GRIK4: variants seen among roughly 807,000 people sequenced by gnomAD.
GRIK4 encodes the protein glutamate receptor ionotropic, kainate 4.
Under a neutral mutation model 104.9 loss-of-function variants are expected in GRIK4, and 40 were observed. That is an observed-to-expected ratio of 0.38 (90% CI 0.30 to 0.50). GRIK4 has a LOEUF of 0.50. GRIK4 is among the 20% of genes least tolerant of loss of function. GRIK4 has a pLI of 0.93. For synonymous variants in GRIK4, 485 were observed against 524.9 expected, an observed-to-expected ratio of 0.92 and a Z score of 1.04; for missense variants, 1,047 against 1,308.1, an observed-to-expected ratio of 0.80 and a Z score of 3.08.
At position 120,939,728 on chromosome 11, in the gene GRIK4, T is replaced by C. The variant is rs1273715130; in HGVS notation, c.1477-619T>C. ...CAGGCGCGGTGGCTCATGCCTATAA[T>C]CCCATCACTTTGGGAGGCCAGGGCG... On this transcript the variant is annotated intron_variant, in intron 13 of 20. Transcript: ENST00000527524. The surrounding 1 kb of genome is among the most constrained non-coding windows in gnomAD (Gnocchi z 5.6). 6.6e-6 allele frequency among the ~76,000 whole-genome samples: 1 copy of C among 152,182 alleles called. No homozygotes were observed. The highest frequency in any genetic ancestry group is 1.5e-5 in the Non-Finnish European group (1 of 68,018).
chr11:120,567,408 C>G (rs1268337052), intron 1 of GRIK4, among the ~76,000 whole-genome samples: 1 of 152,302 alleles, frequency 6.6e-6, no homozygotes, highest in African/African-American at 2.4e-5. Flanking sequence ...ATCCTCCCAC[C>G]TCGGCCTCCC....
intron 1 of GRIK4, among the ~76,000 whole-genome samples, chr11:120,571,807 G>A (rs538738490): frequency 1.3e-5 from 2 of 152,194 alleles, no homozygotes; most frequent in Admixed American, 1.3e-4. Context: ...AGGTCTGTGA[G>A]GTGACCTGGG....
chr11:120,920,483 T>C (rs1943203689), intron 13 of GRIK4, among the ~76,000 whole-genome samples: 1 of 152,106 alleles, frequency 6.6e-6, no homozygotes, highest in Non-Finnish European at 1.5e-5. Context: ...GGTTCATTCC[T>C]CTTGCCATGC....
intron 3 of GRIK4, among the ~76,000 whole-genome samples, chr11:120,685,621 T>G (rs1281589770): frequency 2.0e-5 from 3 of 152,204 alleles, no homozygotes; most frequent in Non-Finnish European, 4.4e-5. Context: ...CACCTGGACC[T>G]AGGCATTCTT....
intron 13 of GRIK4, among the ~76,000 whole-genome samples, chr11:120,930,603 T>C (rs1943463637): frequency 6.6e-6 from 1 of 152,226 alleles, no homozygotes; most frequent in African/African-American, 2.4e-5. Flanking sequence ...GTGGGTGGCA[T>C]GAGCATTGCC....
intron 13 of GRIK4, among the ~76,000 whole-genome samples, chr11:120,916,501 C>T (rs1206742874): frequency 6.6e-6 from 1 of 152,170 alleles, no homozygotes; most frequent in Non-Finnish European, 1.5e-5. Context: ...TCCTTATGCA[C>T]CTAACACAGT....
intron 2 of GRIK4, among the ~76,000 whole-genome samples, chr11:120,656,948 T>C (rs1011524703): frequency 3.3e-5 from 5 of 152,200 alleles, no homozygotes; most frequent in African/African-American, 9.7e-5. Flanking sequence ...TGTAGTTCTG[T>C]CATCAAATAA....
At chr11:120,976,697 T>C (rs1257511028) in intron 19 of GRIK4, among the ~76,000 whole-genome samples, 2 of 152,232 alleles carry the variant, frequency 1.3e-5, no homozygotes, top group Non-Finnish European at 2.9e-5. Context: ...TGTTGACCAA[T>C]GTCAAAGAGC....
chr11:120,565,980 T>G (rs888050833), intron 1 of GRIK4, among the ~76,000 whole-genome samples: 5 of 152,220 alleles, frequency 3.3e-5, no homozygotes, highest in African/African-American at 1.2e-4. Flanking sequence ...CTATGTTTCC[T>G]ACCCCTTGAG....
At chr11:120,823,388 C>G (rs1418255869) in intron 6 of GRIK4, among the ~76,000 whole-genome samples, 1 of 152,200 alleles carries the variant, frequency 6.6e-6, no homozygotes, top group Non-Finnish European at 1.5e-5. Context: ...TATGACATTC[C>G]TTGACATTCA....
At chr11:120,720,920 G>C (rs145087542) in intron 3 of GRIK4, among the ~76,000 whole-genome samples, 123 of 152,020 alleles carry the variant, frequency 8.1e-4, no homozygotes, top group African/African-American at 2.9e-3. Flanking sequence ...GAAGAGAGAG[G>C]GACAAGAAGT....
At chr11:120,686,887 A>C (rs966486780) in intron 3 of GRIK4, among the ~76,000 whole-genome samples, 2 of 152,240 alleles carry the variant, frequency 1.3e-5, no homozygotes, top group Non-Finnish European at 2.9e-5. Context: ...AAAGTGCGTT[A>C]TTAACTCCAA....
intron 11 of GRIK4, among the ~76,000 whole-genome samples, 183 bp downstream of exon 11, chr11:120,875,426 C>T (rs1173819530): frequency 6.6e-6 from 1 of 152,130 alleles, no homozygotes; most frequent in Admixed American, 6.5e-5. Flanking sequence ...CATTGTGGCT[C>T]AGGGACTGCA....
intron 9 of GRIK4, among the ~76,000 whole-genome samples, chr11:120,863,508 G>A (rs370075597): frequency 4.6e-5 from 7 of 152,210 alleles, no homozygotes; most frequent in East Asian, 3.8e-4. Flanking sequence ...ACACATGACT[G>A]TAGTTACTAG....
intron 1 of GRIK4, among the ~76,000 whole-genome samples, chr11:120,577,310 G>A (rs1323528152): frequency 3.3e-5 from 5 of 152,054 alleles, no homozygotes; most frequent in African/African-American, 1.2e-4. Flanking sequence ...GAGGGGGTGA[G>A]TGGACTGTGG....
chr11:120,917,269 AAAAGAAAGAAAG>A lies in GRIK4; in HGVS notation c.1476+11792_1476+11803del, dbSNP rs1194010522. 1.7e-4 allele frequency among the ~76,000 whole-genome samples: 24 copies of A among 138,366 alleles called. 1 individual carries two copies. Among genetic ancestry groups the A allele is most frequent in the East Asian group, 1.2e-3 (6 of 4,870 alleles). The allele number at this position is 138,366 out of a possible 152,430, so 90.8% of individuals were successfully genotyped here. A position where few individuals can be genotyped will look rare whatever the true frequency, so the allele number is the denominator to read the frequency against. On this transcript the variant is annotated intron_variant, in intron 13 of 20. Transcript: ENST00000527524. ...TCTCAAAAAAAAAAAAAAAAAAAAA[AAAAGAAAGAAAG>A]AAAGAAAGAAAGAAAAAAGAAAGAA...
In GRIK4 at chr11:120,819,549, C is replaced by T. The variant is rs1953052022; in HGVS notation, c.346-206C>T. The stretch of plus-strand genomic sequence containing the variant: ...GGACAAATAGTTTTCTGTCCTGGGG[C>T]TGCTTCTTTGAAGCATCATCAGGGA... On this transcript the variant is annotated intron_variant, in intron 5 of 20. Coordinates refer to ENST00000527524, the MANE Select transcript of GRIK4 (RefSeq NM_014619.5). The surrounding 1 kb of genome is among the most constrained non-coding windows in gnomAD (Gnocchi z 4.3). Among the ~76,000 whole-genome samples the T allele has an allele frequency of 6.6e-6, 1 of 152,192 alleles. No individual in the cohort carries two copies. The highest frequency in any genetic ancestry group is 2.4e-5 in the African/African-American group (1 of 41,454).
At chr11:120,727,757 TAGAA>T (rs1467862429) in intron 3 of GRIK4, among the ~76,000 whole-genome samples, 5 of 151,400 alleles carry the variant, frequency 3.3e-5, no homozygotes, top group Admixed American at 2.0e-4. Flanking sequence ...GAATTAGAAA[TAGAA>T]GGAAAAACAT....
At chr11:120,661,858 T>A (rs1404940303) in intron 3 of GRIK4, among the ~76,000 whole-genome samples, 1 of 151,958 alleles carries the variant, frequency 6.6e-6, no homozygotes, top group Non-Finnish European at 1.5e-5. Flanking sequence ...AAAAACAAAA[T>A]TTTCCCTCCC....
Sources: allele counts gnomAD v4.1 joint callset (sites outside exome capture counted in the v4.1 genomes callset), GRCh38; gene constraint gnomAD v4.1.1; non-coding constraint Gnocchi (gnomAD v3.1); transcripts MANE v1.5; gene names NCBI Gene and HGNC (gene_info 2026-07-23, HGNC 2026-07-21).